FAM169A: variants seen among roughly 807,000 people sequenced by gnomAD.
The protein encoded by FAM169A is family with sequence similarity 169 member A, also known as soluble lamin-associated protein of 75 kDa.
In FAM169A, 24 loss-of-function variants were observed where a neutral mutation model predicts 75.7. The observed-to-expected ratio is 0.32, with a 90% CI of 0.23 to 0.45. The LOEUF is 0.45. Among genes scored for constraint, FAM169A ranks in the 20% least tolerant of loss-of-function variants. FAM169A has a pLI of 1.00. For missense variants in FAM169A, 673 were observed against 784.0 expected, an observed-to-expected ratio of 0.86 and a Z score of 1.69; for synonymous variants, 271 against 271.0, an observed-to-expected ratio of 1.00 and a Z score of 0.00.
At chr5:74,800,200 T>C in intron 10 of FAM169A, 1 of 259,688 alleles carries the variant, frequency 3.9e-6, no homozygotes, top group Admixed American at 5.0e-5. Flanking sequence ...GCCAATATCA[T>C]GTGGTTTTGT....
At chr5:74,818,929 A>G (rs1432178518) in intron 5 of FAM169A, among the ~76,000 whole-genome samples, 4 of 152,060 alleles carry the variant, frequency 2.6e-5, no homozygotes, top group Non-Finnish European at 5.9e-5. Context: ...ATTAAAAATG[A>G]CAAACGATGG....
chr5:74,825,018 A>G (rs1044674376), intron 5 of FAM169A, among the ~76,000 whole-genome samples: 2 of 152,140 alleles, frequency 1.3e-5, no homozygotes, highest in Non-Finnish European at 2.9e-5. Flanking sequence ...ATCAATTTTC[A>G]GTATTTACAT....
intron 1 of FAM169A, among the ~76,000 whole-genome samples, chr5:74,855,307 C>A (rs1045996515): frequency 1.0e-3 from 155 of 152,286 alleles, no homozygotes; most frequent in Non-Finnish European, 2.1e-4. Flanking sequence ...GAGATCCTCC[C>A]ACCTCAGCCT....
At chr5:74,830,491 TC>T (rs1280931150) in intron 5 of FAM169A, among the ~76,000 whole-genome samples, 1 of 152,066 alleles carries the variant, frequency 6.6e-6, no homozygotes, top group Admixed American at 6.6e-5. Context: ...ATACTAACTA[TC>T]CCAGTGGATT....
At chr5:74,787,974 A>T (rs1318897365) in intron 11 of FAM169A, among the ~76,000 whole-genome samples, 3 of 152,040 alleles carry the variant, frequency 2.0e-5, no homozygotes, top group Non-Finnish European at 4.4e-5. Flanking sequence ...TTGAGGAAGG[A>T]CCCCACTACA....
At chr5:74,840,783 C>T (rs961244860) in intron 2 of FAM169A, among the ~76,000 whole-genome samples, 9 of 150,198 alleles carry the variant, frequency 6.0e-5, no homozygotes, top group South Asian at 4.2e-4. Flanking sequence ...GAGCCAAGAT[C>T]GTGCCAATGC....
chr5:74,801,160 C>A, intron 9 of FAM169A, 130 bp from the exon 10 acceptor site: 1 of 591,734 alleles, frequency 1.7e-6, no homozygotes, highest in Non-Finnish European at 2.7e-6. Flanking sequence ...TTCACCCTCC[C>A]CTCACTTATG....
intron 1 of FAM169A, among the ~76,000 whole-genome samples, chr5:74,846,669 A>G (rs1375425317): frequency 6.6e-6 from 1 of 152,216 alleles, no homozygotes; most frequent in African/African-American, 2.4e-5. Context: ...ACAGTCTTAG[A>G]AGTCTTGGCC....
At chr5:74,818,047 CA>C (rs1377335645) in intron 5 of FAM169A, among the ~76,000 whole-genome samples, 1 of 152,094 alleles carries the variant, frequency 6.6e-6, no homozygotes, top group African/African-American at 2.4e-5. Flanking sequence ...TAAAACTACT[CA>C]AATTCTTAAA....
intron 5 of FAM169A, among the ~76,000 whole-genome samples, chr5:74,831,119 C>T (rs1748287824): frequency 6.6e-6 from 1 of 152,028 alleles, no homozygotes; most frequent in African/African-American, 2.4e-5. Flanking sequence ...CTTCTAACCA[C>T]AGAATTCAGA....
intron 6 of FAM169A, among the ~76,000 whole-genome samples, chr5:74,807,806 C>T (rs914239491): frequency 4.6e-5 from 7 of 152,084 alleles, no homozygotes; most frequent in Non-Finnish European, 8.8e-5. Context: ...AATGATGCCA[C>T]GTATAAAAAG....
intron 11 of FAM169A, 138 bp from the exon 12 acceptor site, chr5:74,783,272 A>G (rs1745503577): frequency 3.2e-6 from 2 of 621,992 alleles, no homozygotes; most frequent in East Asian, 2.6e-5. Flanking sequence ...TGGGTTAAAG[A>G]ACAGTCTTAC....
intron 9 of FAM169A, 39 bp downstream of exon 9, chr5:74,801,551 G>A (rs1746578332): frequency 2.0e-6 from 3 of 1,495,664 alleles, no homozygotes; most frequent in Non-Finnish European, 2.8e-6. Flanking sequence ...AATTTGAAGT[G>A]TCTCAAATAC....
At chr5:74,796,309 C>T (rs1015933948) in intron 10 of FAM169A, 123 bp from the exon 11 acceptor site, 16 of 846,150 alleles carry the variant, frequency 1.9e-5, no homozygotes, top group Non-Finnish European at 2.7e-5. Context: ...TCAGATTTTA[C>T]AAGTCTAAAA....
At chr5:74,832,311 G>A (rs755748254) in intron 5 of FAM169A, among the ~76,000 whole-genome samples, 1 of 151,804 alleles carries the variant, frequency 6.6e-6, no homozygotes, top group Non-Finnish European at 1.5e-5. Context: ...CAAACAAACT[G>A]TAAGTCTCTC....
intron 5 of FAM169A, among the ~76,000 whole-genome samples, chr5:74,815,052 C>T (rs914001105): frequency 6.6e-6 from 1 of 152,094 alleles, no homozygotes; most frequent in Non-Finnish European, 1.5e-5. Context: ...TTCAGTTCAA[C>T]CAAGTAATAT....
At chr5:74,838,635 C>G (rs946779979) in intron 4 of FAM169A, among the ~76,000 whole-genome samples, 1 of 152,148 alleles carries the variant, frequency 6.6e-6, no homozygotes, top group African/African-American at 2.4e-5. Context: ...TCAGTCTCTC[C>G]TAGAGACAGA....
chr5:74,848,488 T>C (rs528616852), intron 1 of FAM169A: 2 of 152,318 alleles, frequency 1.3e-5, no homozygotes, highest in Non-Finnish European at 2.9e-5. Flanking sequence ...TAACATTTTC[T>C]TTTGTAAAAT....
Position 74,781,923 on chromosome 5 carries a change from A to T in FAM169A, c.1550T>A (p.Leu517His). 6.2e-7 allele frequency: 1 copy of T among 1,614,054 alleles called. No individual in the cohort carries two copies. Among genetic ancestry groups the T allele is most frequent in the South Asian group, 1.1e-5 (1 of 91,082 alleles). ...CCCAAGATGTGCTTTCTTTCTTGGA[A>T]GTAGGGACAATTTCTCTTCCATGTG... ...KGHMEEKLSL[L>H]PRKKAHLGSS... Residue 517 changes from leucine (L) to histidine (H), a missense_variant, in exon 13 of 13, where the codon CTT becomes CAT. Physicochemically the swap from Leu to His is moderately conservative, Grantham distance 99. Transcript: ENST00000687041.
Sources: allele counts gnomAD v4.1 joint callset (sites outside exome capture counted in the v4.1 genomes callset), GRCh38; gene constraint gnomAD v4.1.1; transcripts MANE v1.5; gene names NCBI Gene and HGNC (gene_info 2026-07-23, HGNC 2026-07-21).